AKAP13: variants seen among roughly 807,000 people sequenced by gnomAD.
AKAP13 encodes the protein A-kinase anchor protein 13.
AKAP13 carries 80 observed loss-of-function variants against 264.5 expected under a neutral mutation model. That is an observed-to-expected ratio of 0.30 (90% CI 0.25 to 0.36). The LOEUF (loss-of-function observed/expected upper bound fraction) is 0.36, where lower values mean the gene tolerates loss of function less well. AKAP13 is among the 10% of genes least tolerant of loss of function. The pLI is 1.00. For missense variants in AKAP13, 3,712 were observed against 3,435.2 expected, an observed-to-expected ratio of 1.08 and a Z score of -2.01; for synonymous variants, 1,380 against 1,250.2, an observed-to-expected ratio of 1.10 and a Z score of -2.19.
intron 1 of AKAP13, among the ~76,000 whole-genome samples, chr15:85,390,528 C>G (rs372908852): frequency 6.6e-6 from 1 of 151,924 alleles, no homozygotes; most frequent in Admixed American, 6.6e-5. Flanking sequence ...CAAATAGGCT[C>G]TTAGGTATGG....
At chr15:85,388,670 A>T (rs1409427450) in intron 1 of AKAP13, among the ~76,000 whole-genome samples, 4 of 152,098 alleles carry the variant, frequency 2.6e-5, no homozygotes. Context: ...ATAGCTTTGC[A>T]TTCTTGTGAT....
intron 1 of AKAP13, among the ~76,000 whole-genome samples, chr15:85,402,764 A>T (rs1285956486): frequency 6.6e-6 from 1 of 152,126 alleles, no homozygotes; most frequent in Non-Finnish European, 1.5e-5. Context: ...CTCTGCCGTA[A>T]ATGGTAGTTG....
intron 8 of AKAP13, chr15:85,621,504 C>T (rs539711389): frequency 6.6e-6 from 1 of 151,774 alleles, no homozygotes; most frequent in Admixed American, 6.6e-5. Context: ...TCCATGATAC[C>T]CTATGATTTT....
intron 17 of AKAP13, among the ~76,000 whole-genome samples, chr15:85,695,968 A>T (rs1797935446): frequency 6.6e-6 from 1 of 152,244 alleles, no homozygotes; most frequent in Admixed American, 6.5e-5. Context: ...CTGGTTGCCT[A>T]GAGCAGTAAT....
intron 9 of AKAP13, among the ~76,000 whole-genome samples, chr15:85,642,526 T>C (rs1437112739): frequency 2.0e-5 from 3 of 152,264 alleles, no homozygotes; most frequent in South Asian, 2.1e-4. Flanking sequence ...GCTCTGCCTT[T>C]AGGGATTCCC....
rs186139964 is a variant in AKAP13 at position 85,729,405 on chromosome 15, G to C, written c.7088-1108G>C. Among the ~76,000 whole-genome samples the C allele has an allele frequency of 1.5e-3, 234 of 152,290 alleles. 3 individuals are homozygous for C. The highest frequency in any genetic ancestry group is 5.4e-3 in the African/African-American group (224 of 41,550). On this transcript the variant is annotated intron_variant, in intron 29 of 36. Transcript: ENST00000394518. ...CAAATCAGGTGACCTGGAAGATGAA[G>C]AGTTGTTGACTGAGAAAGAGATTCC...
Position 85,693,469 on chromosome 15 carries a change from TC to T in AKAP13, c.5464+20del, listed in dbSNP as rs1350400112. The T allele has an allele frequency of 6.2e-7, 1 of 1,609,590 alleles. No homozygotes were observed. Among genetic ancestry groups the T allele is most frequent in the Non-Finnish European group, 8.5e-7 (1 of 1,178,852 alleles). On this transcript the variant is annotated intron_variant, in intron 17 of 36. Transcript: ENST00000394518. ...TTGTGCAAGTAAGAGACATGCTTCT[TC>T]CTCTCGTAAGATGGAACTCTCTTGG... is the stretch of plus-strand genomic sequence containing the variant.
intron 1 of AKAP13, among the ~76,000 whole-genome samples, chr15:85,441,550 T>G (rs2073653658): frequency 3.3e-5 from 5 of 152,194 alleles, no homozygotes; most frequent in Admixed American, 3.3e-4. Flanking sequence ...ATCATACATT[T>G]GTTGTCATAT....
At chr15:85,639,223 A>G in intron 8 of AKAP13, 151 bp from the exon 9 acceptor site, 1 of 539,440 alleles carries the variant, frequency 1.9e-6, no homozygotes. Context: ...TAATATTGTG[A>G]AAAAAAAATT....
intron 5 of AKAP13, among the ~76,000 whole-genome samples, chr15:85,556,919 C>T (rs184617215): frequency 1.3e-4 from 20 of 152,260 alleles, no homozygotes; most frequent in African/African-American, 4.6e-4. Context: ...TTTGGATTTG[C>T]GTTTTAGAAT....
At chr15:85,440,553 A>C (rs1734137837) in intron 1 of AKAP13, among the ~76,000 whole-genome samples, 1 of 152,192 alleles carries the variant, frequency 6.6e-6, no homozygotes, top group South Asian at 2.1e-4. Context: ...TATATTCATC[A>C]GTAAAAAATG....
chr15:85,540,297 C>A lies in AKAP13; in HGVS notation c.479-3475C>A, dbSNP rs934646320. ...CCTTCTCTCCAGGGGAAATCTAAGACCTGCTTTCAGAGCCTTCCAGTTGAT... is the reference window on the plus strand; with the variant it reads ...CCTTCTCTCCAGGGGAAATCTAAGAACTGCTTTCAGAGCCTTCCAGTTGAT... On this transcript the variant is annotated intron_variant, in intron 4 of 36. Transcript: ENST00000394518. Among the ~76,000 whole-genome samples, 4 of 152,152 alleles carry A rather than the reference C, an allele frequency of 2.6e-5. No homozygotes were observed. The East Asian group carries it at 7.7e-4, about 29-fold the overall frequency.
intron 10 of AKAP13, among the ~76,000 whole-genome samples, chr15:85,647,196 C>G (rs2082598023): frequency 6.6e-6 from 1 of 151,626 alleles, no homozygotes; most frequent in South Asian, 2.1e-4. Flanking sequence ...GTCAGGAGTT[C>G]GAGACCAGCC....
chr15:85,425,658 G>A (rs2072742278), intron 1 of AKAP13, among the ~76,000 whole-genome samples: 1 of 150,676 alleles, frequency 6.6e-6, no homozygotes, highest in South Asian at 2.1e-4. Flanking sequence ...GGACATTGCA[G>A]TGAGTTGAGA....
Position 85,725,430 on chromosome 15 carries a change from TA to T in AKAP13, c.6746-970del, listed in dbSNP as rs199729657. On this transcript the variant is annotated intron_variant, in intron 26 of 36. Transcript: ENST00000394518. ...ACCTGAATTATTTAAAAGTAAACTT[TA>T]AAAAAAAAACTTTTTCATAACTGAT... Among the ~76,000 whole-genome samples, 12 of 149,828 alleles carry T rather than the reference TA, an allele frequency of 8.0e-5. No individual in the cohort carries two copies. The South Asian group carries it at 1.1e-3, about 13-fold the overall frequency.
intron 1 of AKAP13, among the ~76,000 whole-genome samples, chr15:85,405,250 T>TATGGTGTTA (rs1157348154): frequency 6.6e-6 from 1 of 152,200 alleles, no homozygotes; most frequent in Non-Finnish European, 1.5e-5. Context: ...TTTCTCTTCG[T>TATGGTGTTA]ATGGTGTTAG....
intron 1 of AKAP13, among the ~76,000 whole-genome samples, chr15:85,400,830 A>G (rs2071384558): frequency 6.7e-6 from 1 of 149,876 alleles, no homozygotes; most frequent in Admixed American, 6.7e-5. Context: ...CTGATTAATC[A>G]TAATTTAGTA....
At chr15:85,696,539 A>C (rs78572940) in intron 17 of AKAP13, among the ~76,000 whole-genome samples, 23,574 of 152,158 alleles carry the variant, frequency 0.15, 2,233 homozygotes, top group Non-Finnish European at 0.22. Flanking sequence ...TGTTTTTTAC[A>C]TCCCTCCTTG....
intron 5 of AKAP13, among the ~76,000 whole-genome samples, chr15:85,570,284 C>CTA (rs1381392385): frequency 6.6e-6 from 1 of 151,902 alleles, no homozygotes; most frequent in African/African-American, 2.4e-5. Context: ...AACCCCATCT[C>CTA]TACTAAAAAT....
Sources: gnomAD v4.1 joint callset for allele counts (sites outside exome capture counted in the v4.1 genomes callset) on GRCh38, gnomAD v4.1.1 for gene constraint, MANE v1.5 for transcripts, NCBI Gene and HGNC (gene_info 2026-07-23, HGNC 2026-07-21) for gene names.